HDAC9: variants seen among roughly 807,000 people sequenced by gnomAD.
The protein encoded by HDAC9 is MEF-2 interacting transcription repressor (MITR) protein.
In HDAC9, 41 loss-of-function variants were observed where a neutral mutation model predicts 139.4. The ratio of observed to expected loss-of-function variants is 0.29; its 90% CI spans 0.23 to 0.38. The LOEUF (loss-of-function observed/expected upper bound fraction) is 0.38. HDAC9 is among the 10% of genes least tolerant of loss of function. HDAC9 has a pLI of 1.00. For missense variants in HDAC9, 1,147 were observed against 1,297.0 expected (o/e 0.88, Z 1.78); for synonymous variants, 517 against 476.2 (o/e 1.09, Z -1.12).
chr7:18,606,082 A>C (rs28559740), intron 6 of HDAC9, among the ~76,000 whole-genome samples: 4,728 of 152,218 alleles, frequency 0.031, 154 homozygotes, highest in African/African-American at 0.083. Flanking sequence ...TTTCTTCGTT[A>C]CTGACTCCAT....
At chr7:18,637,010 AAAC>A (rs1178868536) in intron 8 of HDAC9, among the ~76,000 whole-genome samples, 2 of 152,090 alleles carry the variant, frequency 1.3e-5, no homozygotes, top group Non-Finnish European at 2.9e-5. Flanking sequence ...TGAAAAATGA[AAAC>A]AACACACTAG....
chr7:18,536,881 TA>T, intron 2 of HDAC9, among the ~76,000 whole-genome samples: 1 of 152,336 alleles, frequency 6.6e-6, no homozygotes, highest in South Asian at 2.1e-4. Context: ...TAGAATATTC[TA>T]AAATATTTAA....
At chr7:18,822,419 A>G (rs1431489310) in intron 17 of HDAC9, among the ~76,000 whole-genome samples, 3 of 152,174 alleles carry the variant, frequency 2.0e-5, no homozygotes, top group African/African-American at 7.2e-5. Context: ...CAATGGGGCG[A>G]TCACAGCTCA....
intron 14 of HDAC9, among the ~76,000 whole-genome samples, chr7:18,759,811 A>G (rs1376864802): frequency 6.6e-6 from 1 of 152,196 alleles, no homozygotes; most frequent in African/African-American, 2.4e-5. Context: ...AGCTAGAATC[A>G]GTGGGATTGT....
chr7:18,928,079 A>G (rs751657658), intron 22 of HDAC9, among the ~76,000 whole-genome samples: 6 of 152,200 alleles, frequency 3.9e-5, no homozygotes, highest in Non-Finnish European at 8.8e-5. Context: ...TTCTCTGAGA[A>G]TTGGCTGCTG....
intron 6 of HDAC9, among the ~76,000 whole-genome samples, chr7:18,624,015 A>G (rs573254423): frequency 6.6e-6 from 1 of 152,340 alleles, no homozygotes; most frequent in African/African-American, 2.4e-5. Flanking sequence ...TACACAAGAT[A>G]GTTTGTGTGC....
chr7:18,274,366 G>A (rs1562822876), intron 2 of HDAC9, among the ~76,000 whole-genome samples: 2 of 152,100 alleles, frequency 1.3e-5, no homozygotes, highest in African/African-American at 4.8e-5. Flanking sequence ...TAGATCACAT[G>A]GTGAGAGAGA....
chr7:18,609,125 G>A (rs1245250079), intron 6 of HDAC9, among the ~76,000 whole-genome samples: 1 of 152,146 alleles, frequency 6.6e-6, no homozygotes, highest in Non-Finnish European at 1.5e-5. Flanking sequence ...TTCTTGGAGA[G>A]AATGCATTAG....
At chr7:18,114,456 C>G (rs1420563712) in intron 1 of HDAC9, among the ~76,000 whole-genome samples, 3 of 152,206 alleles carry the variant, frequency 2.0e-5, no homozygotes, top group African/African-American at 7.2e-5. Flanking sequence ...CTGTCTAGCT[C>G]CAACCTTTGC....
At chr7:18,993,496 C>T (rs1261838869) in intron 25 of HDAC9, among the ~76,000 whole-genome samples, 2 of 152,188 alleles carry the variant, frequency 1.3e-5, no homozygotes, top group African/African-American at 4.8e-5. Context: ...CACTTCTATG[C>T]TGCAAGACGC....
intron 2 of HDAC9, among the ~76,000 whole-genome samples, chr7:18,184,584 G>A (rs543355792): frequency 8.3e-4 from 127 of 152,226 alleles, no homozygotes; most frequent in Non-Finnish European, 1.6e-3. Flanking sequence ...GAATTTCCAC[G>A]TGTGGCATCA....
At chr7:18,696,007 T>C (rs1272286321) in intron 12 of HDAC9, among the ~76,000 whole-genome samples, 1 of 152,224 alleles carries the variant, frequency 6.6e-6, no homozygotes, top group Admixed American at 6.5e-5. Flanking sequence ...ATTGTTACTT[T>C]ATTTTTGAAA....
chr7:18,888,367 G>T (rs1416416001), intron 22 of HDAC9, among the ~76,000 whole-genome samples: 1 of 152,234 alleles, frequency 6.6e-6, no homozygotes, highest in African/African-American at 2.4e-5. Context: ...GGAGCTTGCA[G>T]TGAGCCGAGA....
intron 1 of HDAC9, among the ~76,000 whole-genome samples, chr7:18,133,868 C>A (rs1221254887): frequency 6.6e-6 from 1 of 151,690 alleles, no homozygotes; most frequent in Non-Finnish European, 1.5e-5. Context: ...TTCTTATTTG[C>A]TTGCTTGCAG....
At chr7:18,401,906 GT>G (rs1787580679) in intron 1 of HDAC9, among the ~76,000 whole-genome samples, 2 of 152,220 alleles carry the variant, frequency 1.3e-5, no homozygotes, top group Admixed American at 1.3e-4. Context: ...TATAACTTTT[GT>G]TGATATTCTC....
chr7:18,238,998 G>A (rs1013856339), intron 2 of HDAC9, among the ~76,000 whole-genome samples: 2 of 152,066 alleles, frequency 1.3e-5, no homozygotes, highest in African/African-American at 4.8e-5. Flanking sequence ...TTAACTCTGG[G>A]CATAATCTTT....
At chr7:18,897,750 T>G (rs1801338844) in intron 22 of HDAC9, among the ~76,000 whole-genome samples, 2 of 151,710 alleles carry the variant, frequency 1.3e-5, no homozygotes, top group Admixed American at 1.3e-4. Flanking sequence ...TAATGAAGTT[T>G]TAAAAGTGGT....
intron 1 of HDAC9, among the ~76,000 whole-genome samples, chr7:18,135,920 C>T (rs1785378852): frequency 8.2e-6 from 1 of 121,678 alleles, no homozygotes; most frequent in Non-Finnish European, 1.6e-5. Flanking sequence ...GTCCCACCAA[C>T]AGTGTAAAAG....
intron 1 of HDAC9, among the ~76,000 whole-genome samples, chr7:18,363,805 T>A (rs1159671656): frequency 1.3e-5 from 2 of 152,130 alleles, no homozygotes; most frequent in Non-Finnish European, 2.9e-5. Flanking sequence ...CAATCTCAAT[T>A]TTTTTATACA....
Sources: allele counts gnomAD v4.1 joint callset (sites outside exome capture counted in the v4.1 genomes callset), GRCh38; gene constraint gnomAD v4.1.1; transcripts MANE v1.5; gene names NCBI Gene and HGNC (gene_info 2026-07-23, HGNC 2026-07-21).